Variants in SPATA13 observed in about 807,000 individuals in gnomAD.
SPATA13 encodes the protein spermatogenesis associated 13.
A neutral mutation model predicts 104.0 loss-of-function variants in SPATA13; 50 were observed. The observed-to-expected ratio is 0.48, with a 90% CI of 0.38 to 0.61. The LOEUF (loss-of-function observed/expected upper bound fraction) is 0.61, where lower values mean the gene tolerates loss of function less well. Ranked by LOEUF, SPATA13 falls within the 20% of genes least tolerant of loss-of-function variation. The pLI is 0.00. For synonymous variants in SPATA13, 606 were observed against 667.5 expected (o/e 0.91, Z 1.42); for missense variants, 1,524 against 1,690.6 (o/e 0.90, Z 1.73).
intron 2 of SPATA13, among the ~76,000 whole-genome samples, chr13:24,000,611 C>T (rs1380530700): frequency 1.3e-4 from 20 of 152,096 alleles, no homozygotes; most frequent in Admixed American, 1.2e-3. Context: ...GAGAAGACGG[C>T]CCAAGAAGGA....
intron 3 of SPATA13, among the ~76,000 whole-genome samples, chr13:24,142,567 T>C (rs1881795829): frequency 6.6e-6 from 1 of 152,102 alleles, no homozygotes; most frequent in Non-Finnish European, 1.5e-5. Context: ...GCATGGGAAG[T>C]GTTTTTCCTT....
chr13:24,101,439 C>G (rs1880254845), intron 3 of SPATA13, among the ~76,000 whole-genome samples: 1 of 151,896 alleles, frequency 6.6e-6, no homozygotes, highest in Non-Finnish European at 1.5e-5. Context: ...TTCTTGTAAC[C>G]CATTTAATAC....
chr13:24,165,093 A>C (rs974971582), intron 1 of SPATA13, among the ~76,000 whole-genome samples: 3 of 152,192 alleles, frequency 2.0e-5, no homozygotes, highest in African/African-American at 7.2e-5. Flanking sequence ...TCCTGTGGTC[A>C]TCATGTTCCA....
chr13:24,210,765 G>GTTTT (rs1870966281), intron 1 of SPATA13, among the ~76,000 whole-genome samples: 4 of 59,688 alleles, frequency 6.7e-5, no homozygotes, highest in African/African-American at 2.9e-4. Flanking sequence ...TGAATTTTAG[G>GTTTT]GTTTTTTTTT....
intron 3 of SPATA13, among the ~76,000 whole-genome samples, chr13:24,019,281 G>T (rs1876864908): frequency 6.6e-6 from 1 of 151,502 alleles, no homozygotes. Flanking sequence ...GTAGAGACGG[G>T]GTTTCACCGT....
intron 4 of SPATA13, among the ~76,000 whole-genome samples, chr13:24,259,471 A>C (rs902605920): frequency 4.6e-5 from 7 of 152,256 alleles, no homozygotes; most frequent in African/African-American, 1.4e-4. Flanking sequence ...TTTAAGGCTC[A>C]GTGGTTTCAA....
intron 3 of SPATA13, among the ~76,000 whole-genome samples, chr13:24,071,984 C>T (rs574326518): frequency 1.4e-4 from 21 of 152,320 alleles, no homozygotes; most frequent in Middle Eastern, 3.4e-3. Context: ...AAAGATGTAA[C>T]ATGTGCTTGC....
At chr13:24,103,555 GAGA>G (rs1325158269) in intron 3 of SPATA13, among the ~76,000 whole-genome samples, 1 of 148,454 alleles carries the variant, frequency 6.7e-6, no homozygotes, top group Non-Finnish European at 1.5e-5. Context: ...GAGAGAGAGA[GAGA>G]AGAAAATACA....
At chr13:24,285,536 T>C in intron 5 of SPATA13, among the ~76,000 whole-genome samples, 1 of 151,970 alleles carries the variant, frequency 6.6e-6, no homozygotes, top group Middle Eastern at 3.2e-3. Context: ...CCTCCCTTTT[T>C]TCTTGCATTT....
chr13:24,182,274 G>A (rs1868860133), intron 1 of SPATA13, among the ~76,000 whole-genome samples: 1 of 152,190 alleles, frequency 6.6e-6, no homozygotes, highest in African/African-American at 2.4e-5. Context: ...TTTGAGGCAT[G>A]TATGACTGTG....
At chr13:23,998,722 T>G (rs1875810511) in intron 2 of SPATA13, among the ~76,000 whole-genome samples, 1 of 152,232 alleles carries the variant, frequency 6.6e-6, no homozygotes, top group Non-Finnish European at 1.5e-5. Context: ...CATTTAGGTC[T>G]ATGATTCATT....
chr13:24,084,131 T>C (rs1879637792), intron 3 of SPATA13, among the ~76,000 whole-genome samples: 1 of 152,154 alleles, frequency 6.6e-6, no homozygotes, highest in African/African-American at 2.4e-5. Flanking sequence ...TGTAATGAGC[T>C]CCCAAGCCTG....
At chr13:24,087,192 C>T (rs1879753849) in intron 3 of SPATA13, among the ~76,000 whole-genome samples, 1 of 152,116 alleles carries the variant, frequency 6.6e-6, no homozygotes, top group African/African-American at 2.4e-5. Flanking sequence ...CAGAGCCTGC[C>T]AGCCCAGGGT....
chr13:24,103,250 T>G (rs1004091079), intron 3 of SPATA13, among the ~76,000 whole-genome samples: 5 of 152,002 alleles, frequency 3.3e-5, no homozygotes, highest in African/African-American at 1.2e-4. Context: ...TTATTACCAG[T>G]TTATTTTCTT....
intron 1 of SPATA13, among the ~76,000 whole-genome samples, chr13:24,188,779 G>C (rs1447324172): frequency 7.3e-6 from 1 of 137,672 alleles, no homozygotes; most frequent in African/African-American, 3.6e-5. Flanking sequence ...TCTAGCTAGA[G>C]AGGAGAAGTC....
chr13:24,013,022 G>C (rs1876546206), intron 2 of SPATA13, among the ~76,000 whole-genome samples: 1 of 152,126 alleles, frequency 6.6e-6, no homozygotes, highest in African/African-American at 2.4e-5. Context: ...CACACTGTGT[G>C]AGCTTTCCAA....
chr13:24,289,227 T>G, intron 8 of SPATA13, 49 bp downstream of exon 8: 1 of 1,479,700 alleles, frequency 6.8e-7, no homozygotes, highest in Middle Eastern at 1.9e-4. Context: ...TACATAATTT[T>G]GAAGTGCATC....
At chr13:24,031,133 CATTG>C (rs1175931252) in intron 3 of SPATA13, among the ~76,000 whole-genome samples, 2 of 152,174 alleles carry the variant, frequency 1.3e-5, no homozygotes, top group African/African-American at 4.8e-5. Flanking sequence ...CTGATTTATT[CATTG>C]ATTGATTGAT....
chr13:24,077,262 C>CAAAAAAAAAAAAAAAAAAAAAAAA (rs60810328), intron 3 of SPATA13, among the ~76,000 whole-genome samples: 1 of 73,038 alleles, frequency 1.4e-5, no homozygotes, highest in African/African-American at 5.6e-5. Context: ...GACTCCATGT[C>CAAAAAAAAAAAAAAAAAAAAAAAA]AAAAAAAAAA....
Sources: gnomAD v4.1 joint callset for allele counts (sites outside exome capture counted in the v4.1 genomes callset) on GRCh38, gnomAD v4.1.1 for gene constraint, MANE v1.5 for transcripts, NCBI Gene and HGNC (gene_info 2026-07-23, HGNC 2026-07-21) for gene names.